The following LRATD1 variants were observed in gnomAD, a reference collection of about 807,000 sequenced individuals.
LRATD1 encodes the protein protein LRATD1.
A neutral mutation model predicts 21.3 loss-of-function variants in LRATD1; 8 were observed. The ratio of observed to expected loss-of-function variants is 0.38; its 90% confidence interval spans 0.22 to 0.68. The LOEUF (loss-of-function observed/expected upper bound fraction) is 0.68. LRATD1 is among the 30% of genes least tolerant of loss of function. The pLI is 0.54. For synonymous variants in LRATD1, 210 were observed against 186.2 expected (o/e 1.13, Z -1.04); for missense variants, 380 against 404.0 (o/e 0.94, Z 0.51).
intron 4 of LRATD1, among the ~76,000 whole-genome samples, chr2:14,648,276 T>G (rs776866482): frequency 6.6e-6 from 1 of 152,178 alleles, no homozygotes; most frequent in Non-Finnish European, 1.5e-5. Context: ...TCAACCTTCT[T>G]GGTCTTAGGG....
At position 14,634,857 on chromosome 2, in the gene LRATD1, A is replaced by G. The variant is rs148059470; in HGVS notation, c.878A>G (p.Ter293TrpextTer96). The stretch of plus-strand genomic sequence containing the variant: ...GCCGACCTCGTGGACGACAAGGAGT[A>G]GCCGCCTAGGGGCTGCCGGCCCCTC... ...ELADLVDDKE* is the reference protein window; with the variant it reads ...ELADLVDDKEW Residue 293 changes from the stop codon to tryptophan, a stop_lost, in exon 2 of 2, where the codon TAG becomes TGG. Transcript: ENST00000295092. 1.4e-5 allele frequency: 23 copies of G among 1,608,686 alleles called. No homozygotes were observed. In the African/African-American group the frequency reaches 2.0e-4, roughly 14 times the overall value.
chr2:14,643,745 A>T (rs115855089), downstream of LRATD1, among the ~76,000 whole-genome samples: 1,302 of 152,268 alleles, frequency 8.6e-3, 14 homozygotes, highest in African/African-American at 0.029. Context: ...ATCCTCTCCC[A>T]TTTGAACTTC....
chr2:14,636,330 T>TTTATTTATACCATGTGAAATG lies in LRATD1; in HGVS notation c.*1472_*1473insTTATTTATACCATGTGAAATG. 6.0e-6 allele frequency: 1 copy of TTTATTTATACCATGTGAAATG among 167,316 alleles called. No individual in the cohort carries two copies. The allele number at this position is 167,316 out of a possible 1,614,324, so 10.4% of individuals were successfully genotyped here. A position where few individuals can be genotyped will look rare whatever the true frequency, so the allele number is the denominator to read the frequency against. ...ACGATGTTTATTTTTTTCTCCATGT[T>TTTATTTATACCATGTGAAATG]GTATATCATTACCATTTCACATACG... On this transcript the variant is annotated 3_prime_UTR_variant, in exon 2 of 2. Coordinates refer to ENST00000295092, the MANE Select transcript of LRATD1 (RefSeq NM_145175.4).
At chr2:14,645,249 A>T (rs1671873485) in intron 2 of LRATD1, among the ~76,000 whole-genome samples, 1 of 152,196 alleles carries the variant, frequency 6.6e-6, no homozygotes, top group African/African-American at 2.4e-5. Context: ...TATGAAATTC[A>T]GCACATCATA....
downstream of LRATD1, among the ~76,000 whole-genome samples, chr2:14,641,108 C>T (rs1350709903): frequency 6.6e-6 from 1 of 152,038 alleles, no homozygotes; most frequent in Non-Finnish European, 1.5e-5. Context: ...ATCTGTCAAC[C>T]CTTCTCAAGG....
At chr2:14,649,669 G>A (rs1374332923), downstream of LRATD1, 2 of 254,676 alleles carry the variant, frequency 7.9e-6, no homozygotes, top group East Asian at 1.7e-4. Context: ...TAGGCCTGAG[G>A]TGAGATAGAA....
intron 5 of LRATD1, chr2:14,649,525 T>C (rs1230766947): frequency 2.7e-6 from 1 of 375,536 alleles, no homozygotes; most frequent in Non-Finnish European, 5.3e-6. Context: ...ACCCAAGCTT[T>C]CTCTTGCGTG....
downstream of LRATD1, among the ~76,000 whole-genome samples, chr2:14,642,981 A>G (rs1671830884): frequency 6.6e-6 from 1 of 152,306 alleles, no homozygotes; most frequent in South Asian, 2.1e-4. Flanking sequence ...AGCTACTTTA[A>G]TTTGGGATTT....
At position 14,636,354 on chromosome 2, in the gene LRATD1, C is replaced by T. The variant is rs556103883; in HGVS notation, c.*1496C>T. ...TTGTATATCATTACCATTTCACATA[C>T]GCGTTTCTATTTTTCTTCCTCTCCT... On this transcript the variant is annotated 3_prime_UTR_variant, in exon 2 of 2. Coordinates refer to ENST00000295092, the MANE Select transcript of LRATD1 (RefSeq NM_145175.4). 1 of 167,046 alleles carries T rather than the reference C, an allele frequency of 6.0e-6. No homozygotes were observed. The highest frequency in any genetic ancestry group is 2.4e-5 in the African/African-American group (1 of 41,438). The allele number at this position is 167,046 out of a possible 1,614,324, so 10.3% of individuals were successfully genotyped here.
At chr2:14,643,699 C>T (rs1184011472), downstream of LRATD1, among the ~76,000 whole-genome samples, 1 of 152,218 alleles carries the variant, frequency 6.6e-6, no homozygotes, top group Non-Finnish European at 1.5e-5. Context: ...TTTCCTACAA[C>T]ACCCCCTACA....
At position 14,634,482 on chromosome 2, in the gene LRATD1, A is replaced by T; in HGVS notation, c.503A>T (p.Glu168Val). The change falls in exon 2 of 2, where the codon GAG becomes GTG. Residue 168 changes from glutamate to valine, a missense_variant. Coordinates refer to ENST00000295092, the MANE Select transcript of LRATD1 (RefSeq NM_145175.4). ...QGEIRQDSLYEAGAANVGRVV... is the reference protein window; with the variant it reads ...QGEIRQDSLYVAGAANVGRVV... Reference sequence around the variant, plus strand: ...GAGATCCGCCAGGACAGCCTGTATGAGGCGGGCGCGGCCAACGTGGGCCGG... The same window carrying T: ...GAGATCCGCCAGGACAGCCTGTATGTGGCGGGCGCGGCCAACGTGGGCCGG... The T allele has an allele frequency of 6.6e-7, 1 of 1,511,812 alleles. No homozygotes were observed. The highest frequency in any genetic ancestry group is 8.8e-7 in the Non-Finnish European group (1 of 1,131,844). 93.6% of individuals were successfully genotyped at this position (1,511,812 alleles called of 1,614,324 possible). A position where few individuals can be genotyped will look rare whatever the true frequency, so the allele number is the denominator to read the frequency against.
In LRATD1 at chr2:14,639,896, C is replaced by G. The variant is rs897622685; in HGVS notation, c.*5038C>G. 1 of 167,138 alleles carries G rather than the reference C, an allele frequency of 6.0e-6. No homozygotes were observed. Among genetic ancestry groups the G allele is most frequent in the Non-Finnish European group, 1.5e-5 (1 of 68,136 alleles). 10.4% of individuals were successfully genotyped at this position (167,138 alleles called of 1,614,324 possible). A position where few individuals can be genotyped will look rare whatever the true frequency, so the allele number is the denominator to read the frequency against. On this transcript the variant is annotated 3_prime_UTR_variant, in exon 2 of 2. Transcript: ENST00000295092. The stretch of plus-strand genomic sequence containing the variant: ...CAAAGGCGAGCCTAAAGAAATTTCT[C>G]TAACCAAAATTGGCAGGTTCTTTCC...
Position 14,634,333 on chromosome 2 carries a change from G to T in LRATD1, c.354G>T (p.Ala118=), listed in dbSNP as rs764891355. The change falls in exon 2 of 2, where the codon GCG becomes GCT. Residue 118 remains alanine (A), a synonymous_variant. Transcript: ENST00000295092. ...LSVYAVTALP[A]LCEPGDLLEL... Reference sequence around the variant, plus strand: ...TCTACGCGGTCACCGCGCTGCCAGCGCTCTGCGAACCCGGCGACCTGCTGG... The same window carrying T: ...TCTACGCGGTCACCGCGCTGCCAGCTCTCTGCGAACCCGGCGACCTGCTGG... 1.8e-5 allele frequency: 29 copies of T among 1,590,268 alleles called. No homozygotes were observed. The Middle Eastern group carries it at 3.2e-3, about 174-fold the overall frequency.
chr2:14,649,038 G>A (rs987671395), intron 4 of LRATD1, among the ~76,000 whole-genome samples: 2 of 152,144 alleles, frequency 1.3e-5, no homozygotes, highest in Non-Finnish European at 2.9e-5. Flanking sequence ...AGTGGAGCTT[G>A]AAAAGCCTAT....
Position 14,634,955 on chromosome 2 carries a change from C to A in LRATD1, c.*97C>A. ...GCAGTCAGCGGTTCTCAACCTCTGC[C>A]CCGCCCCGCCACGCGCGTCCGCCGC... is the stretch of plus-strand genomic sequence containing the variant. On this transcript the variant is annotated 3_prime_UTR_variant, in exon 2 of 2. Coordinates refer to ENST00000295092, the MANE Select transcript of LRATD1 (RefSeq NM_145175.4). The A allele has an allele frequency of 7.0e-7, 1 of 1,422,582 alleles. No homozygotes were observed. The highest frequency in any genetic ancestry group is 9.4e-7 in the Non-Finnish European group (1 of 1,061,032). The allele number at this position is 1,422,582 out of a possible 1,614,324, so 88.1% of individuals were successfully genotyped here.
At chr2:14,643,892 A>C (rs1431583034), downstream of LRATD1, among the ~76,000 whole-genome samples, 1 of 152,206 alleles carries the variant, frequency 6.6e-6, no homozygotes, top group Admixed American at 6.5e-5. Flanking sequence ...AGTTTGAGGA[A>C]GGTGTCTTGG....
chr2:14,647,551 G>T (rs915615842), intron 4 of LRATD1, among the ~76,000 whole-genome samples: 4 of 152,086 alleles, frequency 2.6e-5, no homozygotes, highest in Non-Finnish European at 1.5e-5. Context: ...AGGAGATGGG[G>T]CCCTTGGGAG....
At chr2:14,645,743 T>C (rs1671881824) in intron 2 of LRATD1, among the ~76,000 whole-genome samples, 1 of 152,198 alleles carries the variant, frequency 6.6e-6, no homozygotes, top group Non-Finnish European at 1.5e-5. Flanking sequence ...AAAAACCTTT[T>C]ATTACTTACA....
At chr2:14,646,870 C>A (rs1467298208) in intron 4 of LRATD1, among the ~76,000 whole-genome samples, 1 of 152,168 alleles carries the variant, frequency 6.6e-6, no homozygotes, top group Non-Finnish European at 1.5e-5. Context: ...ATCTGGTATC[C>A]ATTTCTAAAT....
Sources: gnomAD v4.1 joint callset for allele counts (sites outside exome capture counted in the v4.1 genomes callset) on GRCh38, gnomAD v4.1.1 for gene constraint, MANE v1.5 for transcripts, NCBI Gene and HGNC (gene_info 2026-07-23, HGNC 2026-07-21) for gene names.